Variants in MYLK3 observed in about 807,000 individuals in gnomAD.
MYLK3 encodes the protein myosin light chain kinase 3, also known as MLC kinase.
In MYLK3, 55 loss-of-function variants were observed where a neutral mutation model predicts 76.3. The observed-to-expected ratio is 0.72, with a 90% CI of 0.58 to 0.90. MYLK3 has a LOEUF of 0.90. Ranked by LOEUF, MYLK3 falls within the 40% of genes least tolerant of loss-of-function variation. The pLI is 0.00. For synonymous variants in MYLK3, 416 were observed against 425.4 expected (o/e 0.98, Z 0.27); for missense variants, 973 against 1,053.6 (o/e 0.92, Z 1.06).
intron 1 of MYLK3, among the ~76,000 whole-genome samples, chr16:46,741,108 T>G (rs544717567): frequency 6.6e-6 from 1 of 152,334 alleles, no homozygotes; most frequent in African/African-American, 2.4e-5. Context: ...TTGGCCAAGA[T>G]CCTTAAATTC....
chr16:46,754,560 C>A (rs1967173109), intron 1 of MYLK3, among the ~76,000 whole-genome samples: 1 of 152,176 alleles, frequency 6.6e-6, no homozygotes, highest in African/African-American at 2.4e-5. Context: ...TGGGCCACCT[C>A]TGGACTCTAC....
chr16:46,718,038 G>A (rs1966761781), intron 9 of MYLK3, among the ~76,000 whole-genome samples: 1 of 152,196 alleles, frequency 6.6e-6, no homozygotes, highest in African/African-American at 2.4e-5. Context: ...TGGTTCTTGG[G>A]GGACAAAACA....
intron 1 of MYLK3, among the ~76,000 whole-genome samples, chr16:46,761,663 C>CA (rs975765525): frequency 1.2e-4 from 18 of 151,618 alleles, no homozygotes; most frequent in African/African-American, 3.4e-4. Flanking sequence ...CTAAAAAATA[C>CA]AAAAAATAGC....
At chr16:46,729,468 T>G in intron 6 of MYLK3, 126 bp downstream of exon 6, 1 of 866,268 alleles carries the variant, frequency 1.2e-6, no homozygotes, top group Non-Finnish European at 1.8e-6. Flanking sequence ...GACTGGAGGG[T>G]GGGAATTCTG....
chr16:46,749,926 T>A (rs1967098988), upstream of MYLK3, among the ~76,000 whole-genome samples: 1 of 151,974 alleles, frequency 6.6e-6, no homozygotes, highest in South Asian at 2.1e-4. Flanking sequence ...CAGCCCTGGG[T>A]GTCATTGGTG....
chr16:46,737,895 C>T lies in MYLK3; in HGVS notation c.817G>A (p.Val273Met), dbSNP rs761644584. Reference sequence around the variant, plus strand: ...GCAACCTCCAGGCTCGGGGAGACCACATTGACCCTGCCGGGTGCTGGAGCC... The same window carrying T: ...GCAACCTCCAGGCTCGGGGAGACCATATTGACCCTGCCGGGTGCTGGAGCC... Reference protein sequence around the residue: ...ELAPAPGRVNVVSPSLEVAPG... With the variant: ...ELAPAPGRVNMVSPSLEVAPG... Residue 273 changes from valine (V) to methionine (M), a missense_variant, in exon 3 of 13, where the codon GTG (valine) becomes ATG (methionine). Coordinates refer to ENST00000394809, the MANE Select transcript of MYLK3 (RefSeq NM_182493.3). 7 of 1,614,204 alleles carry T rather than the reference C, an allele frequency of 4.3e-6. No individual in the cohort carries two copies. The South Asian group carries it at 7.7e-5, about 18-fold the overall frequency.
upstream of MYLK3, among the ~76,000 whole-genome samples, chr16:46,752,483 C>T (rs1267007562): frequency 6.6e-6 from 1 of 152,102 alleles, no homozygotes; most frequent in East Asian, 1.9e-4. Context: ...CCCCATGACA[C>T]AAGTTTACTT....
chr16:46,729,646 G>A lies in MYLK3; in HGVS notation c.1610C>T (p.Thr537Ile), dbSNP rs374127974. The A allele has an allele frequency of 7.0e-5, 113 of 1,613,624 alleles. No individual in the cohort carries two copies. The highest frequency in any genetic ancestry group is 6.2e-5 in the Non-Finnish European group (73 of 1,179,804). ...GATCTTGGCAGCCAGTGGGAGGCCT[G>A]TGGACTTCTCTGTGCACCTGTGGAC... The part of the protein sequence containing the change: ...GQVHRCTEKS[T>I]GLPLAAKIIK... Residue 537 changes from threonine to isoleucine, a missense_variant, in exon 6 of 13, where the codon ACA (threonine) becomes ATA (isoleucine). Physicochemically the swap from Thr to Ile is moderately conservative, Grantham distance 89. Coordinates refer to ENST00000394809, the MANE Select transcript of MYLK3 (RefSeq NM_182493.3).
In MYLK3 at chr16:46,729,088, C is replaced by T. The variant is rs766410100; in HGVS notation, c.1708G>A (p.Val570Met). 5.1e-5 allele frequency: 82 copies of T among 1,614,054 alleles called. No individual in the cohort carries two copies. The South Asian group carries it at 7.4e-4, about 14-fold the overall frequency. The change falls in exon 7 of 13, where the codon GTG (valine) becomes ATG (methionine). Residue 570 changes from valine to methionine, a missense_variant. By Grantham distance (21) the Val-to-Met change is conservative. Transcript: ENST00000394809. ...EINIMNQLSH[V>M]NLIQLYDAFE... ...GCGTCATAGAGCTGGATCAGGTTCACGTGGCTGAGCTGGTTCATGATGTTG... is the reference window on the plus strand; with the variant it reads ...GCGTCATAGAGCTGGATCAGGTTCATGTGGCTGAGCTGGTTCATGATGTTG...
rs1320736468 is a variant in MYLK3 at position 46,747,870 on chromosome 16, A to G, written c.324T>C (p.Gly108=). ...TCCTGAAGAGGGCCTCCAGCCTGGC[A>G]CCGTGCTGGGCCGCATCCTGCTGCA... ...RAMQQDAAQH[G]ARLEALFRMV... The change falls in exon 1 of 13, where the codon GGT becomes GGC. Residue 108 remains glycine, a synonymous_variant. Coordinates refer to ENST00000394809, the MANE Select transcript of MYLK3 (RefSeq NM_182493.3). 6 of 1,613,876 alleles carry G rather than the reference A, an allele frequency of 3.7e-6. No individual in the cohort carries two copies. Among genetic ancestry groups the G allele is most frequent in the Non-Finnish European group, 4.2e-6 (5 of 1,180,010 alleles).
chr16:46,723,381 G>A (rs749227113), intron 8 of MYLK3, among the ~76,000 whole-genome samples: 9 of 152,180 alleles, frequency 5.9e-5, no homozygotes, highest in East Asian at 1.9e-4. Context: ...TTGTTTATCC[G>A]TTAACTAATA....
At chr16:46,745,837 G>A (rs923645419) in intron 1 of MYLK3, among the ~76,000 whole-genome samples, 1 of 152,132 alleles carries the variant, frequency 6.6e-6, no homozygotes, top group East Asian at 1.9e-4. Flanking sequence ...AAACAAAAGG[G>A]TGCTCCAGAT....
chr16:46,750,420 G>A (rs371620101), upstream of MYLK3, among the ~76,000 whole-genome samples: 1 of 152,214 alleles, frequency 6.6e-6, no homozygotes, highest in East Asian at 1.9e-4. Context: ...AAAGGGCCGG[G>A]TGCAGTGGCT....
intron 2 of MYLK3, among the ~76,000 whole-genome samples, chr16:46,739,305 C>T (rs147472976): frequency 1.3e-3 from 192 of 152,256 alleles, no homozygotes; most frequent in Admixed American, 1.9e-3. Flanking sequence ...TCTCTTAATA[C>T]GCATTGTTTT....
rs536547926 is a variant in MYLK3 at position 46,732,609 on chromosome 16, C to T, written c.1061G>A (p.Gly354Asp). 20 of 1,576,080 alleles carry T rather than the reference C, an allele frequency of 1.3e-5. No homozygotes were observed. The South Asian group carries it at 2.1e-4, about 17-fold the overall frequency. Residue 354 changes from glycine (G) to aspartate (D), a missense_variant, in exon 4 of 13, where the codon GGC becomes GAC. By Grantham distance (94) the Gly-to-Asp change is moderately conservative. Coordinates refer to ENST00000394809, the MANE Select transcript of MYLK3 (RefSeq NM_182493.3). ...TPGEMLMTGR[G>D]SLGPTLTTEA... The stretch of plus-strand genomic sequence containing the variant: ...TGTGGTGAGGGTGGGTCCAAGGCTG[C>T]CCCTGCCTGTCATCAGCATCTCCCC...
In MYLK3 at chr16:46,745,976, T is replaced by C. The variant is rs373853640; in HGVS notation, c.477+1741A>G. Among the ~76,000 whole-genome samples the C allele has an allele frequency of 1.2e-4, 19 of 152,208 alleles. No individual in the cohort carries two copies. In the East Asian group the frequency reaches 1.7e-3, roughly 14 times the overall value. On this transcript the variant is annotated intron_variant, in intron 1 of 12. Coordinates refer to ENST00000394809, the MANE Select transcript of MYLK3 (RefSeq NM_182493.3). Reference sequence around the variant, plus strand: ...GAATAGGAAGGAGATGTATGCTCTTTACTCTACATGATTTTTTTTACTATG... The same window carrying C: ...GAATAGGAAGGAGATGTATGCTCTTCACTCTACATGATTTTTTTTACTATG...
In MYLK3 at chr16:46,727,349, T is replaced by A. The variant is rs201988589; in HGVS notation, c.1801A>T (p.Ile601Phe). ...GTCAGGTGGTACTTCTCATCTGTGA[T>A]CCGGTCGAAGAGCTCACCCCCGTCC... ...YVDGGELFDR[I>F]TDEKYHLTEL... Residue 601 changes from isoleucine to phenylalanine, a missense_variant, in exon 8 of 13, where the codon ATC becomes TTC. Coordinates refer to ENST00000394809, the MANE Select transcript of MYLK3 (RefSeq NM_182493.3). 1 of 1,613,202 alleles carries A rather than the reference T, an allele frequency of 6.2e-7. No homozygotes were observed. Among genetic ancestry groups the A allele is most frequent in the Non-Finnish European group, 8.5e-7 (1 of 1,179,260 alleles).
At chr16:46,721,083 C>G in intron 9 of MYLK3, 40 bp downstream of exon 9, 1 of 1,573,250 alleles carries the variant, frequency 6.4e-7, no homozygotes, top group Non-Finnish European at 8.8e-7. Flanking sequence ...CAAAGAGTCC[C>G]AAGGAATTTT....
At chr16:46,718,218 G>C (rs1298559654) in intron 9 of MYLK3, among the ~76,000 whole-genome samples, 1 of 152,202 alleles carries the variant, frequency 6.6e-6, no homozygotes, top group Non-Finnish European at 1.5e-5. Flanking sequence ...AATAGGTTGA[G>C]AAACACTGCC....
Sources: gnomAD v4.1 joint callset for allele counts (sites outside exome capture counted in the v4.1 genomes callset) on GRCh38, gnomAD v4.1.1 for gene constraint, MANE v1.5 for transcripts, NCBI Gene and HGNC (gene_info 2026-07-23, HGNC 2026-07-21) for gene names.